CFAP221: variants seen among roughly 807,000 people sequenced by gnomAD.
The protein encoded by CFAP221 is cilia and flagella associated protein 221.
A neutral mutation model predicts 113.1 loss-of-function variants in CFAP221; 97 were observed. The ratio of observed to expected loss-of-function variants is 0.86; its 90% CI spans 0.73 to 1.02. The LOEUF (loss-of-function observed/expected upper bound fraction) is 1.02. CFAP221 is among the 50% of genes least tolerant of loss of function. The pLI, the probability that CFAP221 is intolerant of heterozygous loss-of-function variation, is 0.00. For synonymous variants in CFAP221, 331 were observed against 354.4 expected (o/e 0.93, Z 0.74); for missense variants, 1,025 against 1,013.4 (o/e 1.01, Z -0.16).
chr2:119,601,539 G>A (rs957955247), intron 8 of CFAP221, 162 bp downstream of exon 8: 5 of 647,430 alleles, frequency 7.7e-6, no homozygotes, highest in African/African-American at 1.8e-5. Flanking sequence ...CAGAAATATA[G>A]AATATATCTA....
chr2:119,591,120 G>A (rs1683564414), intron 7 of CFAP221, among the ~76,000 whole-genome samples: 1 of 152,174 alleles, frequency 6.6e-6, no homozygotes, highest in African/African-American at 2.4e-5. Context: ...CTCTGATAAT[G>A]ATAAACTTCC....
intron 6 of CFAP221, among the ~76,000 whole-genome samples, chr2:119,563,923 A>G (rs1206690356): frequency 6.6e-6 from 1 of 152,220 alleles, no homozygotes; most frequent in Non-Finnish European, 1.5e-5. Flanking sequence ...GGCAGCAGAG[A>G]GCATGGACTC....
intron 7 of CFAP221, among the ~76,000 whole-genome samples, chr2:119,597,474 C>T (rs1361168134): frequency 6.6e-6 from 1 of 152,186 alleles, no homozygotes. Flanking sequence ...CCAACATTAG[C>T]TTTGAGAGAT....
chr2:119,656,384 C>A lies in CFAP221; in HGVS notation c.2437C>A (p.Pro813Thr). 1 of 1,613,980 alleles carries A rather than the reference C, an allele frequency of 6.2e-7. No homozygotes were observed. The highest frequency in any genetic ancestry group is 8.5e-7 in the Non-Finnish European group (1 of 1,179,940). ...KEKEVKDQAQPAEKAGEKLLE... is the reference protein window; with the variant it reads ...KEKEVKDQAQTAEKAGEKLLE... The stretch of plus-strand genomic sequence containing the variant: ...CAGAGAAGTGAAAGATCAAGCACAA[C>A]CAGCAGAGAAGGCCGGAGAGAAGCT... Residue 813 changes from proline (P) to threonine (T), a missense_variant, in exon 24 of 24, where the codon CCA becomes ACA. Pro to Thr is a conservative substitution (Grantham distance 38). Transcript: ENST00000413369.
intron 23 of CFAP221, among the ~76,000 whole-genome samples, chr2:119,652,660 G>A (rs1313876601): frequency 6.6e-6 from 1 of 152,116 alleles, no homozygotes; most frequent in African/African-American, 2.4e-5. Context: ...CAAAAACACA[G>A]TAATAAACAT....
chr2:119,550,416 AT>A (rs1680338339), intron 3 of CFAP221, among the ~76,000 whole-genome samples: 1 of 152,312 alleles, frequency 6.6e-6, no homozygotes, highest in South Asian at 2.1e-4. Flanking sequence ...AGTAGCGAGA[AT>A]AGATGAGGAG....
rs1157783332 is a variant in CFAP221, at chr2:119,559,983, A to G, written c.383A>G (p.Asp128Gly). 2.0e-6 allele frequency: 3 copies of G among 1,527,676 alleles called. No individual in the cohort carries two copies. The highest frequency in any genetic ancestry group is 2.6e-6 in the Non-Finnish European group (3 of 1,143,226). 94.6% of individuals were successfully genotyped at this position (1,527,676 alleles called of 1,614,324 possible). A position where few individuals can be genotyped will look rare whatever the true frequency, so the allele number is the denominator to read the frequency against. The change falls in exon 5 of 24, where the codon GAT becomes GGT. Residue 128 changes from aspartate to glycine, a missense_variant. Asp to Gly is a moderately conservative substitution (Grantham distance 94). Transcript: ENST00000413369. Reference sequence around the variant, plus strand: ...ACGGTCACCGTTACATTTTCTCCAGATGAGTGGCGATACTATTATGACTGC... The same window carrying G: ...ACGGTCACCGTTACATTTTCTCCAGGTGAGTGGCGATACTATTATGACTGC... ...SLTVTVTFSPDEWRYYYDCIR... is the reference protein window; with the variant it reads ...SLTVTVTFSPGEWRYYYDCIR...
intron 14 of CFAP221, among the ~76,000 whole-genome samples, chr2:119,623,506 GA>G: frequency 6.6e-6 from 1 of 152,014 alleles, no homozygotes; most frequent in Non-Finnish European, 1.5e-5. Flanking sequence ...CACAGAATTA[GA>G]AAAAAACTAC....
intron 16 of CFAP221, 41 bp downstream of exon 16, chr2:119,627,827 C>T (rs778850211): frequency 6.2e-7 from 1 of 1,609,708 alleles, no homozygotes; most frequent in Non-Finnish European, 8.5e-7. Context: ...TGGACATGAT[C>T]ATGATCGTGT....
intron 7 of CFAP221, among the ~76,000 whole-genome samples, chr2:119,594,845 G>A (rs950762355): frequency 2.6e-5 from 4 of 152,230 alleles, no homozygotes. Flanking sequence ...TTGCTGATGA[G>A]GAAGCTGAGG....
At position 119,604,938 on chromosome 2, in the gene CFAP221, T is replaced by A; in HGVS notation, c.975T>A (p.Thr325=). ...VDLSNPFAVA[T]VLNQEPGKLK... is the part of the protein sequence containing the mutation. ...TATCGAATCCATTTGCTGTGGCAAC[T>A]GTTTTAAACCAAGAACCAGGAAAAT... Residue 325 remains threonine, a synonymous_variant, in exon 10 of 24, where the codon ACT becomes ACA. Transcript: ENST00000413369. 3.1e-6 allele frequency: 5 copies of A among 1,614,188 alleles called. No individual in the cohort carries two copies. Among genetic ancestry groups the A allele is most frequent in the Non-Finnish European group, 4.2e-6 (5 of 1,180,024 alleles).
chr2:119,611,678 A>T lies in CFAP221; in HGVS notation c.1247A>T (p.Asp416Val), dbSNP rs1208612195. Residue 416 changes from aspartate (D) to valine (V), a missense_variant, in exon 13 of 24, where the codon GAT becomes GTT. Transcript: ENST00000413369. ...YKLDRGDPIL[D>V]EEFQRLKTEV... ...CTAGACAGAGGAGATCCTATTTTGGATGAGGAATTTCAGCGACTTAAAACA... is the reference window on the plus strand; with the variant it reads ...CTAGACAGAGGAGATCCTATTTTGGTTGAGGAATTTCAGCGACTTAAAACA... 1.1e-5 allele frequency: 17 copies of T among 1,613,798 alleles called. 1 individual carries two copies. In the East Asian group the frequency reaches 3.8e-4, roughly 36 times the overall value.
At chr2:119,562,644 T>A (rs957191325) in intron 6 of CFAP221, among the ~76,000 whole-genome samples, 9 of 152,214 alleles carry the variant, frequency 5.9e-5, no homozygotes, top group African/African-American at 2.2e-4. Flanking sequence ...AGAATTTCAC[T>A]ATAGGAGCCA....
intron 6 of CFAP221, chr2:119,572,710 T>C: frequency 1.7e-6 from 1 of 593,258 alleles, no homozygotes; most frequent in Non-Finnish European, 3.1e-6. Flanking sequence ...GGGGAAGTGA[T>C]GACAAATCCA....
intron 6 of CFAP221, among the ~76,000 whole-genome samples, chr2:119,577,486 C>T (rs1022808350): frequency 2.0e-4 from 31 of 152,270 alleles, no homozygotes; most frequent in African/African-American, 7.2e-4. Context: ...ATGTAAACAA[C>T]GCAATGCCAG....
intron 22 of CFAP221, 105 bp from the exon 23 acceptor site, chr2:119,651,869 A>G: frequency 1.2e-6 from 1 of 834,494 alleles, no homozygotes; most frequent in Non-Finnish European, 1.8e-6. Context: ...ACTAAAGTTG[A>G]ATACCACAAG....
chr2:119,609,622 T>C (rs1685014875), intron 12 of CFAP221, among the ~76,000 whole-genome samples: 1 of 152,240 alleles, frequency 6.6e-6, no homozygotes, highest in Non-Finnish European at 1.5e-5. Context: ...AGCCTCATTT[T>C]AACTTGGTCA....
At chr2:119,595,603 C>T (rs763699935) in intron 7 of CFAP221, among the ~76,000 whole-genome samples, 5 of 152,066 alleles carry the variant, frequency 3.3e-5, no homozygotes, top group Admixed American at 6.5e-5. Context: ...AACTACTGAG[C>T]GCCTGCTGGG....
At chr2:119,588,487 G>A (rs775128873) in intron 7 of CFAP221, among the ~76,000 whole-genome samples, 2 of 152,184 alleles carry the variant, frequency 1.3e-5, no homozygotes, top group African/African-American at 4.8e-5. Context: ...AATTTACCCA[G>A]TGGGTTTTGA....
Sources: allele counts gnomAD v4.1 joint callset (sites outside exome capture counted in the v4.1 genomes callset), GRCh38; gene constraint gnomAD v4.1.1; transcripts MANE v1.5; gene names NCBI Gene and HGNC (gene_info 2026-07-23, HGNC 2026-07-21).